PUS7L: variants seen among roughly 807,000 people sequenced by gnomAD.
PUS7L encodes the protein pseudouridylate synthase PUS7L.
PUS7L carries 49 observed loss-of-function variants against 51.1 expected under a neutral mutation model. The ratio of observed to expected loss-of-function variants is 0.96; its 90% CI spans 0.76 to 1.22. The LOEUF is 1.22. Ranked by LOEUF, PUS7L falls within the 50% of genes most tolerant of loss-of-function variation. The pLI is 0.00. For missense variants in PUS7L, 828 were observed against 820.6 expected (o/e 1.01, Z -0.11); for synonymous variants, 277 against 276.2 (o/e 1.00, Z -0.03).
chr12:43,756,885 T>C (rs1378527970), intron 1 of PUS7L, among the ~76,000 whole-genome samples: 2 of 152,186 alleles, frequency 1.3e-5, no homozygotes, highest in Non-Finnish European at 2.9e-5. Context: ...TTAAATCATA[T>C]CACAATCCAG....
At chr12:43,733,203 T>C (rs1944601696) in intron 7 of PUS7L, among the ~76,000 whole-genome samples, 1 of 152,114 alleles carries the variant, frequency 6.6e-6, no homozygotes, top group Non-Finnish European at 1.5e-5. Flanking sequence ...AGTTACCAAG[T>C]GATTTGAAAA....
chr12:43,745,898 C>T, intron 4 of PUS7L, 148 bp downstream of exon 4: 1 of 495,648 alleles, frequency 2.0e-6, no homozygotes, highest in South Asian at 3.4e-5. Context: ...GCCAAATGGC[C>T]CTAATTATCA....
Position 43,720,976 on chromosome 12 carries a change from C to T in PUS7L, c.*9400G>A, listed in dbSNP as rs1445469312. On this transcript the variant is annotated 3_prime_UTR_variant, in exon 9 of 9. Transcript: ENST00000344862. Reference sequence around the variant, plus strand: ...ACAGTACTTATCCCACATGTAAGTACTTGTTGATAAAATATAAAATGCTTA... The same window carrying T: ...ACAGTACTTATCCCACATGTAAGTATTTGTTGATAAAATATAAAATGCTTA... 3.9e-5 allele frequency: 6 copies of T among 152,078 alleles called. No individual in the cohort carries two copies. The highest frequency in any genetic ancestry group is 1.4e-4 in the African/African-American group (6 of 41,416). 9.4% of individuals were successfully genotyped at this position (152,078 alleles called of 1,614,324 possible). A position where few individuals can be genotyped will look rare whatever the true frequency, so the allele number is the denominator to read the frequency against.
intron 4 of PUS7L, among the ~76,000 whole-genome samples, chr12:43,745,609 C>T (rs1292659538): frequency 6.6e-6 from 1 of 152,200 alleles, no homozygotes; most frequent in Non-Finnish European, 1.5e-5. Flanking sequence ...CTCTTTCCTT[C>T]ATAAATCAAC....
At position 43,723,664 on chromosome 12, in the gene PUS7L, A is replaced by T. The variant is rs1163468014; in HGVS notation, c.*6712T>A. The T allele has an allele frequency of 6.6e-6, 1 of 152,138 alleles. No individual in the cohort carries two copies. Among genetic ancestry groups the T allele is most frequent in the Non-Finnish European group, 1.5e-5 (1 of 67,958 alleles). 9.4% of individuals were successfully genotyped at this position (152,138 alleles called of 1,614,324 possible). ...TTTTGTCTTTCCCATAGCATTTTGT[A>T]GAGTACCTTTCACTTATTCAAATAT... On this transcript the variant is annotated 3_prime_UTR_variant, in exon 9 of 9. Transcript: ENST00000344862.
Position 43,754,410 on chromosome 12 carries a change from C to T in PUS7L, c.836G>A (p.Arg279Lys), listed in dbSNP as rs772705477. 5.6e-6 allele frequency: 9 copies of T among 1,613,020 alleles called. No individual in the cohort carries two copies. The South Asian group carries it at 8.8e-5, about 16-fold the overall frequency. Residue 279 changes from arginine to lysine, a missense_variant, in exon 2 of 9, where the codon AGA becomes AAA. Arg to Lys is a conservative substitution (Grantham distance 26, BLOSUM62 2). Coordinates refer to ENST00000344862, the MANE Select transcript of PUS7L (RefSeq NM_031292.5). ...ACGTTTGTGTGCTTTTTCCCGAAAT[C>T]TTACTGTTACCACCACATTCGGATT... ...AGNPNVVVTV[R>K]FREKAHKRGK...
Position 43,755,143 on chromosome 12 carries a change from TA to T in PUS7L, c.102del (p.Phe34LeufsTer12). 6.2e-7 allele frequency: 1 copy of T among 1,613,460 alleles called. No homozygotes were observed. The highest frequency in any genetic ancestry group is 8.5e-7 in the Non-Finnish European group (1 of 1,179,510). On this transcript the variant is annotated frameshift_variant, in exon 2 of 9. Transcript: ENST00000344862. LOFTEE classifies it high-confidence loss of function. ...HGTIKSSPSD[F>X]IVIEIDEQGQ... ...CCCTGTTCATCAATTTCAATAACAA[TA>T]AAGTCACTTGGTGAGCTTTTTATAG... is the stretch of plus-strand genomic sequence containing the variant.
chr12:43,744,544 T>C (rs569025377), intron 4 of PUS7L, among the ~76,000 whole-genome samples: 1 of 152,328 alleles, frequency 6.6e-6, no homozygotes, highest in Admixed American at 6.5e-5. Context: ...TAAAGCACTT[T>C]TCTTCATAAA....
intron 3 of PUS7L, among the ~76,000 whole-genome samples, chr12:43,747,790 C>T (rs10880563): frequency 0.23 from 34,881 of 152,078 alleles, 6,338 homozygotes; most frequent in African/African-American, 0.51. Context: ...CAGTTATTTA[C>T]TTTTGTTTAT....
rs1316237536 is a variant in PUS7L at position 43,719,890 on chromosome 12, A to G, written c.*10486T>C. Reference sequence around the variant, plus strand: ...GTATGTCAGCTCTACTAGTATTTTCAACAAACCAACTTTTGGATTTGTAGA... The same window carrying G: ...GTATGTCAGCTCTACTAGTATTTTCGACAAACCAACTTTTGGATTTGTAGA... On this transcript the variant is annotated 3_prime_UTR_variant, in exon 9 of 9. Coordinates refer to ENST00000344862, the MANE Select transcript of PUS7L (RefSeq NM_031292.5). 1.3e-5 allele frequency: 2 copies of G among 152,184 alleles called. No individual in the cohort carries two copies. Among genetic ancestry groups the G allele is most frequent in the East Asian group, 3.8e-4 (2 of 5,204 alleles). 9.4% of individuals were successfully genotyped at this position (152,184 alleles called of 1,614,324 possible).
chr12:43,752,760 T>C (rs560734273), intron 2 of PUS7L, among the ~76,000 whole-genome samples: 25 of 152,240 alleles, frequency 1.6e-4, no homozygotes, highest in Non-Finnish European at 2.6e-4. Context: ...TTAATAAATA[T>C]GGAGTTTTAG....
In PUS7L at chr12:43,725,127, T is replaced by C. The variant is rs562309765; in HGVS notation, c.*5249A>G. 2 of 152,312 alleles carry C rather than the reference T, an allele frequency of 1.3e-5. No individual in the cohort carries two copies. Among genetic ancestry groups the C allele is most frequent in the East Asian group, 1.9e-4 (1 of 5,178 alleles). The allele number at this position is 152,312 out of a possible 1,614,324, so 9.4% of individuals were successfully genotyped here. On this transcript the variant is annotated 3_prime_UTR_variant, in exon 9 of 9. Coordinates refer to ENST00000344862, the MANE Select transcript of PUS7L (RefSeq NM_031292.5). Reference sequence around the variant, plus strand: ...GATTGATGTGAGGACTGAAAGTATATTGAAAAAGAACAAGTTTCTCACTAT... The same window carrying C: ...GATTGATGTGAGGACTGAAAGTATACTGAAAAAGAACAAGTTTCTCACTAT...
intron 5 of PUS7L, among the ~76,000 whole-genome samples, chr12:43,740,684 A>C (rs914501644): frequency 6.6e-6 from 1 of 152,046 alleles, no homozygotes; most frequent in African/African-American, 2.4e-5. Context: ...TCACACATGG[A>C]GTAGTCCTCT....
chr12:43,755,846 T>C (rs544006783), intron 1 of PUS7L, among the ~76,000 whole-genome samples: 2 of 152,306 alleles, frequency 1.3e-5, no homozygotes, highest in Admixed American at 6.5e-5. Context: ...TTAGGACAAA[T>C]AGAAGCTTTC....
Position 43,727,301 on chromosome 12 carries a change from G to C in PUS7L, c.*3075C>G, listed in dbSNP as rs867102749. On this transcript the variant is annotated 3_prime_UTR_variant, in exon 9 of 9. Coordinates refer to ENST00000344862, the MANE Select transcript of PUS7L (RefSeq NM_031292.5). ...AAGATTTCTCAAAGAACTTAAAGCA[G>C]ACATACCATTTGACCCAGCAATCCC... The C allele has an allele frequency of 6.6e-6, 1 of 152,094 alleles. No individual in the cohort carries two copies. 9.4% of individuals were successfully genotyped at this position (152,094 alleles called of 1,614,324 possible). A position where few individuals can be genotyped will look rare whatever the true frequency, so the allele number is the denominator to read the frequency against.
At chr12:43,752,582 A>G (rs1938506718) in intron 2 of PUS7L, among the ~76,000 whole-genome samples, 1 of 152,246 alleles carries the variant, frequency 6.6e-6, no homozygotes, top group Non-Finnish European at 1.5e-5. Flanking sequence ...AACACATGCT[A>G]CAACATAGAT....
intron 4 of PUS7L, among the ~76,000 whole-genome samples, chr12:43,745,650 G>A (rs1280051519): frequency 1.3e-5 from 2 of 152,250 alleles, no homozygotes; most frequent in East Asian, 3.9e-4. Flanking sequence ...CTAGCAGTGT[G>A]AGAATGGACT....
At chr12:43,735,362 AT>A (rs1944662276) in intron 7 of PUS7L, among the ~76,000 whole-genome samples, 1 of 151,174 alleles carries the variant, frequency 6.6e-6, no homozygotes, top group Non-Finnish European at 1.5e-5. Context: ...ATAAATAAAA[AT>A]AAAAAATAAA....
intron 2 of PUS7L, among the ~76,000 whole-genome samples, chr12:43,749,867 G>A (rs865918921): frequency 2.0e-5 from 3 of 152,154 alleles, no homozygotes; most frequent in African/African-American, 7.2e-5. Context: ...CATAAAAATG[G>A]AAACAATAGA....
Sources: gnomAD v4.1 joint callset for allele counts (sites outside exome capture counted in the v4.1 genomes callset) on GRCh38, gnomAD v4.1.1 for gene constraint, MANE v1.5 for transcripts, NCBI Gene and HGNC (gene_info 2026-07-23, HGNC 2026-07-21) for gene names.